The following ZFP41 variants were observed in gnomAD, a reference collection of about 807,000 sequenced individuals.
ZFP41 encodes the protein zinc finger protein 41 homolog.
In ZFP41, 10 loss-of-function variants were observed where a neutral mutation model predicts 11.6. The ratio of observed to expected loss-of-function variants is 0.86; its 90% CI spans 0.53 to 1.47. The LOEUF (loss-of-function observed/expected upper bound fraction) is 1.47. Ranked by LOEUF, ZFP41 falls within the 40% of genes most tolerant of loss-of-function variation. ZFP41 has a pLI of 0.00. For missense variants in ZFP41, 302 were observed against 264.6 expected (o/e 1.14, Z -0.98); for synonymous variants, 123 against 100.9 (o/e 1.22, Z -1.31).
Position 143,250,002 on chromosome 8 carries a change from T to C in ZFP41, c.159T>C (p.Ser53=). 1 of 1,614,114 alleles carries C rather than the reference T, an allele frequency of 6.2e-7. No individual in the cohort carries two copies. The highest frequency in any genetic ancestry group is 8.5e-7 in the Non-Finnish European group (1 of 1,180,022). The stretch of plus-strand genomic sequence containing the variant: ...AGCCCCGCACAGAGCCCTGCCTGAG[T>C]CCTGAAGACGAAGAGCACGTCTTTG... The part of the protein sequence containing the change: ...PRKPRTEPCL[S]PEDEEHVFDA... The change falls in exon 2 of 3, where the codon AGT becomes AGC. Residue 53 remains serine (S), a synonymous_variant. Transcript: ENST00000330701.
Position 143,250,806 on chromosome 8 carries a change from G to T in ZFP41, c.*366G>T. The T allele has an allele frequency of 1.1e-5, 3 of 285,382 alleles. No individual in the cohort carries two copies. The highest frequency in any genetic ancestry group is 7.1e-6 in the Non-Finnish European group (1 of 140,214). 17.7% of individuals were successfully genotyped at this position (285,382 alleles called of 1,614,324 possible). On this transcript the variant is annotated 3_prime_UTR_variant, in exon 2 of 3. Transcript: ENST00000330701. The stretch of plus-strand genomic sequence containing the variant: ...GGTCACCTCAGAGCACCCAGCAGGA[G>T]AGGCTCCTGGTGTAGTGGGCAGCCC...
In ZFP41 at chr8:143,252,790, G is replaced by A. The variant is rs1276698533; in HGVS notation, c.*900+1450G>A. The A allele has an allele frequency of 1.8e-5, 4 of 228,334 alleles. No homozygotes were observed. The East Asian group carries it at 7.2e-4, about 41-fold the overall frequency. The allele number at this position is 228,334 out of a possible 1,614,324, so 14.1% of individuals were successfully genotyped here. The stretch of plus-strand genomic sequence containing the variant: ...CCCACTGCCGTCAGCATGGGGGTGA[G>A]GGGGTGAGGGAGCGAGGGGGCGGGC... On this transcript the variant is annotated intron_variant, in intron 2 of 2. Coordinates refer to ENST00000330701, the MANE Select transcript of ZFP41 (RefSeq NM_173832.6).
At chr8:143,253,515 G>A (rs1269698513) in intron 2 of ZFP41, 1 of 152,254 alleles carries the variant, frequency 6.6e-6, no homozygotes, top group Non-Finnish European at 1.5e-5. Context: ...ACCCTGCTGT[G>A]TAGGGCAACA....
rs1816781441 is a variant in ZFP41 at position 143,250,396 on chromosome 8, T to C, written c.553T>C (p.Cys185Arg). 1 of 1,613,186 alleles carries C rather than the reference T, an allele frequency of 6.2e-7. No individual in the cohort carries two copies. Among genetic ancestry groups the C allele is most frequent in the Middle Eastern group, 1.7e-4 (1 of 6,060 alleles). ...HCGKAFAYSS[C>R]LIRHQKRHPR... The stretch of plus-strand genomic sequence containing the variant: ...TGGGAAAGCCTTTGCCTACAGCTCC[T>C]GTCTCATCCGCCATCAGAAACGCCA... The change falls in exon 2 of 3, where the codon TGT (cysteine) becomes CGT (arginine). Residue 185 changes from cysteine (C) to arginine (R), a missense_variant. By Grantham distance (180) the Cys-to-Arg change is radical. Transcript: ENST00000330701.
chr8:143,255,496 G>A (rs1012024857), intron 2 of ZFP41, among the ~76,000 whole-genome samples: 3 of 139,364 alleles, frequency 2.2e-5, no homozygotes, highest in African/African-American at 5.5e-5. Flanking sequence ...AGCTCACCCC[G>A]CGTGCTGGTG....
At position 143,260,630 on chromosome 8, in the gene ZFP41, A is replaced by T. The variant is rs894621835; in HGVS notation, c.*1756A>T. ...CCTCCTGGGCCGCCCTGACCAGCAG[A>T]CACCATCCTTCCAGCCTCTCTTGGC... On this transcript the variant is annotated 3_prime_UTR_variant, in exon 3 of 3. Transcript: ENST00000330701. 5.5e-6 allele frequency: 1 copy of T among 182,926 alleles called. No homozygotes were observed. The highest frequency in any genetic ancestry group is 1.2e-5 in the Non-Finnish European group (1 of 85,642). 11.3% of individuals were successfully genotyped at this position (182,926 alleles called of 1,614,324 possible). A position where few individuals can be genotyped will look rare whatever the true frequency, so the allele number is the denominator to read the frequency against.
intron 2 of ZFP41, among the ~76,000 whole-genome samples, chr8:143,258,519 T>C (rs1814963973): frequency 6.6e-6 from 1 of 152,204 alleles, no homozygotes; most frequent in African/African-American, 2.4e-5. Context: ...AGCCAGACGC[T>C]GACATGCGGA....
chr8:143,248,826 T>A (rs1000127547), intron 1 of ZFP41, among the ~76,000 whole-genome samples: 13 of 152,190 alleles, frequency 8.5e-5, no homozygotes, highest in African/African-American at 3.1e-4. Flanking sequence ...CCCTAGAAAG[T>A]GATGTTGGCC....
intron 2 of ZFP41, among the ~76,000 whole-genome samples, chr8:143,258,475 T>C (rs1299913169): frequency 6.6e-6 from 1 of 152,146 alleles, no homozygotes; most frequent in Non-Finnish European, 1.5e-5. Flanking sequence ...CTCAAGACCC[T>C]GTCATGGTGT....
In ZFP41 at chr8:143,250,476, G is replaced by A. The variant is rs541359399; in HGVS notation, c.*36G>A. ...TCTGCGGACTCGGGCCCTGCGGTGCGAGCCTCGCCGGACACCTGCTCCGTG... is the reference window on the plus strand; with the variant it reads ...TCTGCGGACTCGGGCCCTGCGGTGCAAGCCTCGCCGGACACCTGCTCCGTG... On this transcript the variant is annotated 3_prime_UTR_variant, in exon 2 of 3. Coordinates refer to ENST00000330701, the MANE Select transcript of ZFP41 (RefSeq NM_173832.6). 1.3e-5 allele frequency: 20 copies of A among 1,585,990 alleles called. No individual in the cohort carries two copies. Among genetic ancestry groups the A allele is most frequent in the Admixed American group, 8.6e-5 (5 of 58,162 alleles).
In ZFP41 at chr8:143,250,837, T is replaced by G; in HGVS notation, c.*397T>G. ...CCTGGTGTAGTGGGCAGCCCAGCAC[T>G]TCCCGCTGCTGCCTGCCTGTGATGT... On this transcript the variant is annotated 3_prime_UTR_variant, in exon 2 of 3. Coordinates refer to ENST00000330701, the MANE Select transcript of ZFP41 (RefSeq NM_173832.6). The G allele has an allele frequency of 4.3e-6, 1 of 232,166 alleles. No homozygotes were observed. Among genetic ancestry groups the G allele is most frequent in the East Asian group, 1.0e-4 (1 of 9,940 alleles). The allele number at this position is 232,166 out of a possible 1,614,324, so 14.4% of individuals were successfully genotyped here. A position where few individuals can be genotyped will look rare whatever the true frequency, so the allele number is the denominator to read the frequency against.
At chr8:143,252,535 C>T (rs924935529) in intron 2 of ZFP41, 2 of 470,966 alleles carry the variant, frequency 4.2e-6, no homozygotes, top group African/African-American at 4.2e-5. Context: ...GCAGGTGAAC[C>T]ACCAGAGGGG....
In ZFP41 at chr8:143,250,048, A is replaced by G. The variant is rs1422140753; in HGVS notation, c.205A>G (p.Lys69Glu). 6.2e-7 allele frequency: 1 copy of G among 1,614,160 alleles called. No individual in the cohort carries two copies. The highest frequency in any genetic ancestry group is 1.7e-5 in the Admixed American group (1 of 60,028). The change falls in exon 2 of 3, where the codon AAA becomes GAA. Residue 69 changes from lysine (K) to glutamate (E), a missense_variant. Physicochemically the swap from Lys to Glu is moderately conservative, Grantham distance 56. Coordinates refer to ENST00000330701, the MANE Select transcript of ZFP41 (RefSeq NM_173832.6). Reference sequence around the variant, plus strand: ...CTTTGATGCCTTCGACGCTTCATTTAAAGATGACTTTGAGGGGGTTCCCGT... The same window carrying G: ...CTTTGATGCCTTCGACGCTTCATTTGAAGATGACTTTGAGGGGGTTCCCGT... ...HVFDAFDASFKDDFEGVPVFI... is the reference protein window; with the variant it reads ...HVFDAFDASFEDDFEGVPVFI...
chr8:143,258,829 A>G (rs922166061), intron 2 of ZFP41, among the ~76,000 whole-genome samples: 13 of 152,334 alleles, frequency 8.5e-5, no homozygotes, highest in African/African-American at 2.9e-4. Context: ...CAACAGATCC[A>G]ATTCTGTGCC....
At chr8:143,247,708 T>A (rs1235128307) in intron 1 of ZFP41, 2 of 152,276 alleles carry the variant, frequency 1.3e-5, no homozygotes, top group Non-Finnish European at 2.9e-5. Context: ...TGGGTTGCGC[T>A]GTTTGTAACT....
chr8:143,259,515 A>C (rs1338916159), intron 2 of ZFP41, among the ~76,000 whole-genome samples: 2 of 152,172 alleles, frequency 1.3e-5, no homozygotes, highest in African/African-American at 4.8e-5. Context: ...TAACGTTTTT[A>C]GAAAACAGGG....
At chr8:143,248,433 C>T (rs1816732964) in intron 1 of ZFP41, 1 of 152,436 alleles carries the variant, frequency 6.6e-6, no homozygotes, top group Non-Finnish European at 1.5e-5. Flanking sequence ...CGGGCAGCAG[C>T]CGTTAGGCTC....
At position 143,254,977 on chromosome 8, in the gene ZFP41, A is replaced by C. The variant is rs900390601; in HGVS notation, c.*900+3637A>C. On this transcript the variant is annotated intron_variant, in intron 2 of 2. Transcript: ENST00000330701. ...TATTATAAATAATGCCACAATAAATATCTTTTCCATATTTAGGGCCAATAG... is the reference window on the plus strand; with the variant it reads ...TATTATAAATAATGCCACAATAAATCTCTTTTCCATATTTAGGGCCAATAG... Among the ~76,000 whole-genome samples, 6 of 152,208 alleles carry C rather than the reference A, an allele frequency of 3.9e-5. No homozygotes were observed. The East Asian group carries it at 1.2e-3, about 29-fold the overall frequency.
chr8:143,257,119 G>A (rs1035628818), intron 2 of ZFP41, among the ~76,000 whole-genome samples: 1 of 152,252 alleles, frequency 6.6e-6, no homozygotes, highest in East Asian at 1.9e-4. Flanking sequence ...GTGTGCTTCT[G>A]TTGCTGTTAG....
Sources: allele counts gnomAD v4.1 joint callset (sites outside exome capture counted in the v4.1 genomes callset), GRCh38; gene constraint gnomAD v4.1.1; transcripts MANE v1.5; gene names NCBI Gene and HGNC (gene_info 2026-07-23, HGNC 2026-07-21).